Variants in ATG5 observed in about 807,000 individuals in gnomAD.
ATG5 encodes autophagy related 5, also known as autophagy protein 5.
ATG5 carries 14 observed loss-of-function variants against 36.5 expected under a neutral mutation model. The observed-to-expected ratio is 0.38, with a 90% CI of 0.25 to 0.60. The LOEUF (loss-of-function observed/expected upper bound fraction) is 0.60. Ranked by LOEUF, ATG5 falls within the 20% of genes least tolerant of loss-of-function variation. The pLI is 0.60. For missense variants in ATG5, 195 were observed against 326.7 expected, an observed-to-expected ratio of 0.60 and a Z score of 3.11; for synonymous variants, 95 against 101.5, an observed-to-expected ratio of 0.94 and a Z score of 0.38.
chr6:106,279,723 CTT>C lies in ATG5; in HGVS notation c.414_415del (p.Gln140SerfsTer4). ...TTTCTGCATTTCATTGATTACTTGA[CTT>C]TTATGTTTTAAAGCATCAGCTTCTT... On this transcript the variant is annotated frameshift_variant, in exon 5 of 8. Coordinates refer to ENST00000369076, the MANE Select transcript of ATG5 (RefSeq NM_004849.4). LOFTEE classifies it high-confidence loss of function. 6.2e-7 allele frequency: 1 copy of C among 1,608,576 alleles called. No individual in the cohort carries two copies. The highest frequency in any genetic ancestry group is 8.5e-7 in the Non-Finnish European group (1 of 1,177,408).
intron 6 of ATG5, among the ~76,000 whole-genome samples, chr6:106,221,685 C>CAAAAA (rs11442463): frequency 1.4e-5 from 1 of 70,912 alleles, no homozygotes; most frequent in East Asian, 3.1e-4. Context: ...GACCCTGTCT[C>CAAAAA]AAAAAAAAAA....
At chr6:106,277,773 C>A (rs1346488402) in intron 5 of ATG5, among the ~76,000 whole-genome samples, 1 of 152,188 alleles carries the variant, frequency 6.6e-6, no homozygotes, top group Non-Finnish European at 1.5e-5. Flanking sequence ...GAGATTGTGC[C>A]ACTGCATTCC....
chr6:106,195,968 G>A (rs756112394), intron 7 of ATG5, among the ~76,000 whole-genome samples: 1 of 152,102 alleles, frequency 6.6e-6, no homozygotes, highest in East Asian at 1.9e-4. Flanking sequence ...GTAGGGTCAC[G>A]TTAATCTTGT....
intron 5 of ATG5, among the ~76,000 whole-genome samples, chr6:106,263,639 A>T (rs2114558416): frequency 6.6e-6 from 1 of 152,324 alleles, no homozygotes; most frequent in South Asian, 2.1e-4. Context: ...CCCCTCTGGG[A>T]CGAAGCTTCC....
At chr6:106,210,156 A>G (rs116791032) in intron 6 of ATG5, among the ~76,000 whole-genome samples, 375 of 152,328 alleles carry the variant, frequency 2.5e-3, no homozygotes, top group African/African-American at 8.5e-3. Flanking sequence ...TCTCAACACA[A>G]ATGAGTGAGG....
chr6:106,233,694 G>A (rs983541736), intron 6 of ATG5, among the ~76,000 whole-genome samples: 5 of 152,026 alleles, frequency 3.3e-5, no homozygotes, highest in South Asian at 4.1e-4. Flanking sequence ...TAACGTGAAC[G>A]GCATACTCAC....
chr6:106,203,689 C>T (rs1457109063), intron 6 of ATG5, among the ~76,000 whole-genome samples: 1 of 152,116 alleles, frequency 6.6e-6, no homozygotes, highest in African/African-American at 2.4e-5. Context: ...AGTTGCAATC[C>T]TCCACCTAAG....
At chr6:106,242,022 T>C (rs1456943403) in intron 6 of ATG5, among the ~76,000 whole-genome samples, 1 of 151,940 alleles carries the variant, frequency 6.6e-6, no homozygotes, top group East Asian at 1.9e-4. Flanking sequence ...AGCCAAAAGG[T>C]GGAAGCAACT....
At chr6:106,303,476 T>G (rs1770296004) in intron 3 of ATG5, among the ~76,000 whole-genome samples, 1 of 152,112 alleles carries the variant, frequency 6.6e-6, no homozygotes, top group Non-Finnish European at 1.5e-5. Flanking sequence ...TAAAGATATC[T>G]ATCAAACACT....
intron 6 of ATG5, among the ~76,000 whole-genome samples, chr6:106,227,365 G>T (rs1300776572): frequency 1.3e-5 from 2 of 152,218 alleles, no homozygotes; most frequent in East Asian, 1.9e-4. Context: ...GGTGGCCAAG[G>T]TGGGAGGATC....
chr6:106,284,049 ACAGT>A (rs981904941), intron 4 of ATG5, among the ~76,000 whole-genome samples: 1 of 152,182 alleles, frequency 6.6e-6, no homozygotes, highest in Non-Finnish European at 1.5e-5. Flanking sequence ...AAGGATACAT[ACAGT>A]ATTTTGTTTA....
intron 2 of ATG5, among the ~76,000 whole-genome samples, chr6:106,312,513 T>C (rs76068661): frequency 6.6e-6 from 1 of 150,438 alleles, no homozygotes; most frequent in East Asian, 1.9e-4. Flanking sequence ...GACATAAAAA[T>C]GGACAAGAAC....
At chr6:106,210,528 T>C (rs1005557739) in intron 6 of ATG5, among the ~76,000 whole-genome samples, 3 of 152,206 alleles carry the variant, frequency 2.0e-5, no homozygotes, top group African/African-American at 7.2e-5. Context: ...CACAAACATC[T>C]ATTTCCAAAA....
intron 7 of ATG5, among the ~76,000 whole-genome samples, chr6:106,195,972 ATCTTG>A (rs1212695236): frequency 1.3e-5 from 2 of 152,174 alleles, no homozygotes; most frequent in Non-Finnish European, 2.9e-5. Context: ...GGTCACGTTA[ATCTTG>A]TCTTGTAACC....
At chr6:106,275,830 A>G (rs1195765570) in intron 5 of ATG5, among the ~76,000 whole-genome samples, 2 of 152,238 alleles carry the variant, frequency 1.3e-5, no homozygotes, top group Admixed American at 1.3e-4. Context: ...TGGGCTGACA[A>G]GCATTTTCTT....
chr6:106,266,034 CA>C (rs202210597), intron 5 of ATG5, among the ~76,000 whole-genome samples: 1,384 of 136,814 alleles, frequency 0.01, 8 homozygotes, highest in Non-Finnish European at 0.012. Flanking sequence ...GAAAAACCCT[CA>C]AAAAAAAAAA....
At chr6:106,200,541 C>G (rs1328831744) in intron 7 of ATG5, among the ~76,000 whole-genome samples, 1 of 150,460 alleles carries the variant, frequency 6.6e-6, no homozygotes, top group Non-Finnish European at 1.5e-5. Flanking sequence ...GTGGCATGAT[C>G]TTGGCTCACT....
intron 3 of ATG5, among the ~76,000 whole-genome samples, chr6:106,305,381 C>T (rs1770404856): frequency 6.6e-6 from 1 of 152,144 alleles, no homozygotes; most frequent in South Asian, 2.1e-4. Flanking sequence ...AAAATAAAGT[C>T]ATATTTTTCC....
At chr6:106,221,900 A>T (rs959046048) in intron 6 of ATG5, among the ~76,000 whole-genome samples, 2 of 150,760 alleles carry the variant, frequency 1.3e-5, no homozygotes, top group African/African-American at 4.9e-5. Context: ...TCTTATTATT[A>T]TTTTTTTTTG....
Sources: gnomAD v4.1 joint callset for allele counts (sites outside exome capture counted in the v4.1 genomes callset) on GRCh38, gnomAD v4.1.1 for gene constraint, MANE v1.5 for transcripts, NCBI Gene and HGNC (gene_info 2026-07-23, HGNC 2026-07-21) for gene names.